The following ESPN variants were observed in gnomAD, a reference collection of about 807,000 sequenced individuals.
ESPN encodes the protein espin.
A neutral mutation model predicts 77.7 loss-of-function variants in ESPN; 68 were observed. The ratio of observed to expected loss-of-function variants is 0.87; its 90% confidence interval spans 0.72 to 1.07. The LOEUF (loss-of-function observed/expected upper bound fraction) is 1.07. Ranked by LOEUF, ESPN falls within the 50% of genes least tolerant of loss-of-function variation. The pLI, the probability that ESPN is intolerant of heterozygous loss-of-function variation, is 0.00. For synonymous variants in ESPN, 449 were observed against 567.1 expected, an observed-to-expected ratio of 0.79 and a Z score of 2.96; for missense variants, 1,060 against 1,239.0, an observed-to-expected ratio of 0.86 and a Z score of 2.17.
Position 6,424,939 on chromosome 1 carries a change from G to A in ESPN, c.-17G>A. On this transcript the variant is annotated 5_prime_UTR_variant, in exon 1 of 13. Transcript: ENST00000645284. ...GGAAGGCGCTGAGTGCGGAGTCGCGGCGCCGCACGCGGCACCATGGCCCTG... is the reference window on the plus strand; with the variant it reads ...GGAAGGCGCTGAGTGCGGAGTCGCGACGCCGCACGCGGCACCATGGCCCTG... 1 of 1,440,230 alleles carries A rather than the reference G, an allele frequency of 6.9e-7. No individual in the cohort carries two copies. The highest frequency in any genetic ancestry group is 9.1e-7 in the Non-Finnish European group (1 of 1,099,626). The allele number at this position is 1,440,230 out of a possible 1,614,324, so 89.2% of individuals were successfully genotyped here. A position where few individuals can be genotyped will look rare whatever the true frequency, so the allele number is the denominator to read the frequency against.
At chr1:6,434,765 G>A (rs1643374768) in intron 2 of ESPN, among the ~76,000 whole-genome samples, 1 of 152,316 alleles carries the variant, frequency 6.6e-6, no homozygotes, top group Admixed American at 6.5e-5. Flanking sequence ...AGATAATTCA[G>A]GAGTGACAAG....
In ESPN at chr1:6,440,313, G is replaced by A; in HGVS notation, c.548G>A (p.Gly183Asp). Residue 183 changes from glycine (G) to aspartate (D), a missense_variant, in exon 3 of 13, where the codon GGC becomes GAC. Transcript: ENST00000645284. ...ATPLYLACQE[G>D]HLEVTQYLVQ... ...CCCCTGTACCTGGCGTGCCAGGAGGGCCACCTGGAGGTGACCCAGTACCTG... is the reference window on the plus strand; with the variant it reads ...CCCCTGTACCTGGCGTGCCAGGAGGACCACCTGGAGGTGACCCAGTACCTG... 6.4e-7 allele frequency: 1 copy of A among 1,562,176 alleles called. No individual in the cohort carries two copies. The highest frequency in any genetic ancestry group is 8.7e-7 in the Non-Finnish European group (1 of 1,153,398).
At chr1:6,426,678 C>A (rs915394430) in intron 1 of ESPN, among the ~76,000 whole-genome samples, 4 of 152,144 alleles carry the variant, frequency 2.6e-5, no homozygotes, top group African/African-American at 4.8e-5. Context: ...CCAGTGGGAC[C>A]CCTGGAGCTT....
intron 8 of ESPN, among the ~76,000 whole-genome samples, chr1:6,449,707 T>C (rs1205777077): frequency 6.6e-6 from 1 of 152,182 alleles, no homozygotes; most frequent in African/African-American, 2.4e-5. Flanking sequence ...CCCACCGTGT[T>C]TCCCCCTCCC....
chr1:6,430,451 G>A (rs1203975789), intron 2 of ESPN, among the ~76,000 whole-genome samples: 1 of 152,182 alleles, frequency 6.6e-6, no homozygotes, highest in East Asian at 1.9e-4. Context: ...ATAACAGAAA[G>A]CGCTTGAGAT....
At chr1:6,439,156 C>A (rs1643534553) in intron 2 of ESPN, among the ~76,000 whole-genome samples, 1 of 152,134 alleles carries the variant, frequency 6.6e-6, no homozygotes, top group Non-Finnish European at 1.5e-5. Context: ...AGTGCCGTAG[C>A]CCAGAGCTAG....
intron 10 of ESPN, chr1:6,456,102 G>C (rs562364394): frequency 2.0e-5 from 8 of 398,524 alleles, no homozygotes; most frequent in Non-Finnish European, 3.1e-5. Flanking sequence ...ACTGGTGTCT[G>C]AGATGGGCGA....
At chr1:6,436,196 G>A (rs1643432449) in intron 2 of ESPN, among the ~76,000 whole-genome samples, 2 of 152,120 alleles carry the variant, frequency 1.3e-5, no homozygotes, top group Admixed American at 1.3e-4. Context: ...GGCACATTTG[G>A]AGTCAGAAGC....
Position 6,428,425 on chromosome 1 carries a change from A to AG in ESPN, c.488+6_488+7insG. 6.2e-7 allele frequency: 1 copy of AG among 1,606,572 alleles called. No individual in the cohort carries two copies. The highest frequency in any genetic ancestry group is 8.5e-7 in the Non-Finnish European group (1 of 1,175,196). ...CTCGTCGAGCACTACCCTGAGTAAG[A>AG]TCACCCCTCTTAAGGGGTCCTCTGG... On this transcript the variant is annotated splice_region_variant and intron_variant, in intron 2 of 12. Transcript: ENST00000645284. This position sits in a 1 kb window ranked among gnomAD's most constrained non-coding sequence, Gnocchi z 5.4.
chr1:6,453,781 G>C (rs959822568), intron 10 of ESPN, among the ~76,000 whole-genome samples: 2 of 152,214 alleles, frequency 1.3e-5, no homozygotes, highest in African/African-American at 4.8e-5. Flanking sequence ...AGGGACCTCT[G>C]TGGAGGCGAT....
chr1:6,454,349 C>T (rs1410762212), intron 10 of ESPN: 1 of 398,578 alleles, frequency 2.5e-6, no homozygotes, highest in Non-Finnish European at 4.4e-6. Context: ...CCACCCGGGA[C>T]ATGCAAAAGG....
chr1:6,452,268 G>A (rs537152489), intron 10 of ESPN, among the ~76,000 whole-genome samples, 172 bp downstream of exon 10: 17 of 151,578 alleles, frequency 1.1e-4, no homozygotes, highest in Admixed American at 7.2e-4. Context: ...GCAGTGGTGC[G>A]ATCTCGACTC....
chr1:6,452,197 TCTTTC>T, intron 10 of ESPN, 101 bp downstream of exon 10: 1 of 1,328,480 alleles, frequency 7.5e-7, no homozygotes, highest in African/African-American at 1.5e-5. Context: ...CCTCCCATTT[TCTTTC>T]TTTTTTTTTT....
At position 6,440,324 on chromosome 1, in the gene ESPN, G is replaced by A. The variant is rs1257031977; in HGVS notation, c.559G>A (p.Val187Met). Residue 187 changes from valine to methionine, a missense_variant, in exon 3 of 13, where the codon GTG becomes ATG. Physicochemically the swap from Val to Met is conservative, Grantham distance 21. Coordinates refer to ENST00000645284, the MANE Select transcript of ESPN (RefSeq NM_031475.3). The stretch of plus-strand genomic sequence containing the variant: ...GGCGTGCCAGGAGGGCCACCTGGAG[G>A]TGACCCAGTACCTGGTGCAGGAATG... ...YLACQEGHLE[V>M]TQYLVQECGA... 7.0e-6 allele frequency: 11 copies of A among 1,572,182 alleles called. No homozygotes were observed. The highest frequency in any genetic ancestry group is 9.5e-6 in the Non-Finnish European group (11 of 1,158,906).
chr1:6,444,848 T>C (rs1643769678), intron 6 of ESPN, among the ~76,000 whole-genome samples, 166 bp downstream of exon 6: 1 of 152,212 alleles, frequency 6.6e-6, no homozygotes, highest in Non-Finnish European at 1.5e-5. Flanking sequence ...GAGAGACAGA[T>C]GTCACTCATA....
Position 6,451,247 on chromosome 1 carries a change from A to C in ESPN, c.1916-356A>C. ...GCCGGGCTGAGCCAGGGAACCTGGG[A>C]CAAAGGTCAGGTGGCTGATTCCAGG... On this transcript the variant is annotated intron_variant, in intron 8 of 12. Coordinates refer to ENST00000645284, the MANE Select transcript of ESPN (RefSeq NM_031475.3). The surrounding 1 kb of genome is among the most constrained non-coding windows in gnomAD (Gnocchi z 4.3). 1 of 384,826 alleles carries C rather than the reference A, an allele frequency of 2.6e-6. No individual in the cohort carries two copies. The highest frequency in any genetic ancestry group is 4.9e-6 in the Non-Finnish European group (1 of 202,082). 23.8% of individuals were successfully genotyped at this position (384,826 alleles called of 1,614,324 possible).
At chr1:6,452,231 GTC>G in intron 10 of ESPN, 135 bp downstream of exon 10, 1 of 1,101,620 alleles carries the variant, frequency 9.1e-7, no homozygotes, top group Non-Finnish European at 1.3e-6. Flanking sequence ...TTGAGACAGA[GTC>G]TTGCTCTGTC....
chr1:6,452,266 G>A (rs1458669353), intron 10 of ESPN, among the ~76,000 whole-genome samples, 170 bp downstream of exon 10: 1 of 151,528 alleles, frequency 6.6e-6, no homozygotes, highest in Non-Finnish European at 1.5e-5. Flanking sequence ...GTGCAGTGGT[G>A]CGATCTCGAC....
rs1238535812 is a variant in ESPN, at chr1:6,451,854, G to A, written c.2083G>A (p.Val695Met). Residue 695 changes from valine to methionine, a missense_variant, in exon 10 of 13, where the codon GTG becomes ATG. Val to Met is a conservative substitution (Grantham distance 21). Around this residue, in one of 3 missense-constraint regions of ESPN, gnomAD observed 374 missense variants for 381.4 expected, o/e 0.98. Transcript: ENST00000645284. The surrounding 1 kb of genome is among the most constrained non-coding windows in gnomAD (Gnocchi z 4.3). ...GCAGCCCGATTCGCCGCTGCCTTCTGTGTCACCTGCACTGTCACCAGTCCG... is the reference window on the plus strand; with the variant it reads ...GCAGCCCGATTCGCCGCTGCCTTCTATGTCACCTGCACTGTCACCAGTCCG... ...AFQPDSPLPS[V>M]SPALSPVRSP... 6.2e-7 allele frequency: 1 copy of A among 1,611,616 alleles called. No homozygotes were observed. The highest frequency in any genetic ancestry group is 8.5e-7 in the Non-Finnish European group (1 of 1,179,370).
Sources: gnomAD v4.1 joint callset for allele counts (sites outside exome capture counted in the v4.1 genomes callset) on GRCh38, gnomAD v4.1.1 for gene constraint, gnomAD v4.1.1 regional missense constraint, Gnocchi (gnomAD v3.1) non-coding constraint, MANE v1.5 for transcripts, NCBI Gene and HGNC (gene_info 2026-07-23, HGNC 2026-07-21) for gene names.